MCPH1: variants seen among roughly 807,000 people sequenced by gnomAD.
The protein encoded by MCPH1 is microcephalin.
A neutral mutation model predicts 84.5 loss-of-function variants in MCPH1; 104 were observed. That is an observed-to-expected ratio of 1.23 (90% CI 1.05 to 1.45). The LOEUF (loss-of-function observed/expected upper bound fraction) is 1.45. MCPH1 is among the 40% of genes most tolerant of loss of function. MCPH1 has a pLI of 0.00. For synonymous variants in MCPH1, 514 were observed against 366.8 expected, an observed-to-expected ratio of 1.40 and a Z score of -4.58; for missense variants, 1,498 against 1,005.7, an observed-to-expected ratio of 1.49 and a Z score of -6.62.
At chr8:6,459,033 T>G (rs563797210) in intron 9 of MCPH1, among the ~76,000 whole-genome samples, 20 of 152,324 alleles carry the variant, frequency 1.3e-4, no homozygotes, top group African/African-American at 4.8e-4. Flanking sequence ...TGTTGATATG[T>G]GGTAATGAGT....
intron 12 of MCPH1, among the ~76,000 whole-genome samples, chr8:6,605,963 C>T (rs1434488244): frequency 6.6e-6 from 1 of 152,212 alleles, no homozygotes; most frequent in Non-Finnish European, 1.5e-5. Context: ...CCCCAGAATG[C>T]TGGGATTACA....
Position 6,643,273 on chromosome 8 carries a change from T to C in MCPH1, c.*224T>C, listed in dbSNP as rs1167728946. ...GGGCCTTTTTATTTTTATTTTATTT[T>C]TTATTTTTTGAGACGGAGTCCTGCC... On this transcript the variant is annotated 3_prime_UTR_variant, in exon 14 of 14. Coordinates refer to ENST00000344683, the MANE Select transcript of MCPH1 (RefSeq NM_024596.5). The C allele has an allele frequency of 1.6e-5, 9 of 567,808 alleles. No homozygotes were observed. In the Admixed American group the frequency reaches 2.5e-4, roughly 16 times the overall value. 35.2% of individuals were successfully genotyped at this position (567,808 alleles called of 1,614,324 possible). A position where few individuals can be genotyped will look rare whatever the true frequency, so the allele number is the denominator to read the frequency against.
rs147402531 is a variant in MCPH1, at chr8:6,589,650, T to A, written c.2215-31804T>A. The stretch of plus-strand genomic sequence containing the variant: ...CTTCCATCTCGATAGAATGTCTAAC[T>A]GTGCTCTGAGATGAGAACTATAAAT... On this transcript the variant is annotated intron_variant, in intron 12 of 13. Transcript: ENST00000344683. 1.0e-3 allele frequency among the ~76,000 whole-genome samples: 156 copies of A among 152,366 alleles called. 1 individual carries two copies. Among genetic ancestry groups the A allele is most frequent in the African/African-American group, 3.5e-3 (146 of 41,582 alleles).
chr8:6,636,186 A>G (rs964179287), intron 13 of MCPH1, among the ~76,000 whole-genome samples: 10 of 152,060 alleles, frequency 6.6e-5, no homozygotes, highest in African/African-American at 2.2e-4. Flanking sequence ...TAAAAATTAC[A>G]AAAATTAGCC....
chr8:6,408,388 A>G (rs2440448), intron 1 of MCPH1, among the ~76,000 whole-genome samples: 97,512 of 151,904 alleles, frequency 0.64, 34,875 homozygotes, highest in Non-Finnish European at 0.78. Context: ...TTATTTTTTA[A>G]TTTATTATTT....
At chr8:6,461,707 T>G (rs1057004524) in intron 9 of MCPH1, among the ~76,000 whole-genome samples, 10 of 152,318 alleles carry the variant, frequency 6.6e-5, no homozygotes, top group Middle Eastern at 3.4e-3. Flanking sequence ...GCTTGCAGCA[T>G]GTAGGTCATT....
chr8:6,431,730 AT>A, intron 4 of MCPH1, 144 bp downstream of exon 4: 1 of 613,228 alleles, frequency 1.6e-6, no homozygotes, highest in Non-Finnish European at 2.8e-6. Flanking sequence ...TTCACATAGC[AT>A]TTTTAAGTGA....
chr8:6,460,792 T>C (rs1585901158), intron 9 of MCPH1, among the ~76,000 whole-genome samples: 1 of 152,136 alleles, frequency 6.6e-6, no homozygotes, highest in Non-Finnish European at 1.5e-5. Flanking sequence ...CTTCTGACTC[T>C]GGTTCACCTC....
chr8:6,407,717 G>T (rs1042324278), intron 1 of MCPH1, among the ~76,000 whole-genome samples: 3 of 152,068 alleles, frequency 2.0e-5, no homozygotes, highest in Non-Finnish European at 2.9e-5. Flanking sequence ...CCCAATCATT[G>T]ACCAACGGCA....
At chr8:6,462,658 C>T (rs1174376410) in intron 9 of MCPH1, among the ~76,000 whole-genome samples, 1 of 152,190 alleles carries the variant, frequency 6.6e-6, no homozygotes, top group African/African-American at 2.4e-5. Context: ...CTGTTACTCA[C>T]CTGCTCTGTG....
chr8:6,625,767 G>C (rs1047389949), intron 13 of MCPH1: 1 of 981,056 alleles, frequency 1.0e-6, no homozygotes, highest in African/African-American at 1.8e-5. Context: ...CTAGGCAACA[G>C]AGCAAGACCC....
intron 13 of MCPH1, among the ~76,000 whole-genome samples, chr8:6,634,592 T>A (rs1398581001): frequency 6.6e-6 from 1 of 152,224 alleles, no homozygotes; most frequent in Non-Finnish European, 1.5e-5. Context: ...GTAAATTTCT[T>A]ACCAGTCCAT....
rs183324938 is a variant in MCPH1, at chr8:6,534,902, G to A, written c.2214+34973G>A. 1.5e-3 allele frequency among the ~76,000 whole-genome samples: 226 copies of A among 152,170 alleles called. 2 individuals carry two copies. Among genetic ancestry groups the A allele is most frequent in the African/African-American group, 5.1e-3 (210 of 41,516 alleles). Reference sequence around the variant, plus strand: ...ATAGCAGTTCGTAATTCTCCCCTCCGCTCATCGCCATGGGAGTAATGGAAT... The same window carrying A: ...ATAGCAGTTCGTAATTCTCCCCTCCACTCATCGCCATGGGAGTAATGGAAT... On this transcript the variant is annotated intron_variant, in intron 12 of 13. Coordinates refer to ENST00000344683, the MANE Select transcript of MCPH1 (RefSeq NM_024596.5).
At chr8:6,499,022 A>C (rs1811633987) in intron 11 of MCPH1, among the ~76,000 whole-genome samples, 1 of 152,112 alleles carries the variant, frequency 6.6e-6, no homozygotes, top group South Asian at 2.1e-4. Context: ...ACTGCACTCC[A>C]GCCTGGATGA....
intron 12 of MCPH1, among the ~76,000 whole-genome samples, chr8:6,573,993 G>T (rs533774520): frequency 6.6e-6 from 1 of 152,276 alleles, no homozygotes; most frequent in East Asian, 1.9e-4. Context: ...CTTTCATCAT[G>T]GGTCTCAAAA....
chr8:6,540,728 C>G (rs932594020), intron 12 of MCPH1, among the ~76,000 whole-genome samples: 5 of 152,270 alleles, frequency 3.3e-5, no homozygotes, highest in Admixed American at 6.5e-5. Flanking sequence ...CTTGGGTTTC[C>G]CCAAAAGCAG....
intron 5 of MCPH1, among the ~76,000 whole-genome samples, chr8:6,436,829 G>A (rs1168553085): frequency 6.6e-6 from 1 of 152,018 alleles, no homozygotes; most frequent in Admixed American, 6.6e-5. Flanking sequence ...AATTAGCTGG[G>A]AGTGGTGGCA....
At chr8:6,424,182 T>C (rs1800700733) in intron 3 of MCPH1, among the ~76,000 whole-genome samples, 1 of 152,208 alleles carries the variant, frequency 6.6e-6, no homozygotes, top group Non-Finnish European at 1.5e-5. Context: ...CCTTTGGATG[T>C]AGAAATTTTT....
intron 2 of MCPH1, among the ~76,000 whole-genome samples, chr8:6,410,674 A>G (rs1798414955): frequency 6.6e-6 from 1 of 152,184 alleles, no homozygotes; most frequent in South Asian, 2.1e-4. Flanking sequence ...TTCACGGGGA[A>G]GCCCAGCTAG....
Sources: gnomAD v4.1 joint callset for allele counts (sites outside exome capture counted in the v4.1 genomes callset) on GRCh38, gnomAD v4.1.1 for gene constraint, MANE v1.5 for transcripts, NCBI Gene and HGNC (gene_info 2026-07-23, HGNC 2026-07-21) for gene names.